PTTG1IP2: variants seen among roughly 807,000 people sequenced by gnomAD.
The protein encoded by PTTG1IP2 is PTTG1IP family member 2.
chr7:90,501,492 A>G (rs925225133), intron 6 of PTTG1IP2, among the ~76,000 whole-genome samples: 7 of 152,152 alleles, frequency 4.6e-5, no homozygotes, highest in African/African-American at 1.4e-4. Flanking sequence ...ACATAGTGAG[A>G]CCTCATTTCT....
chr7:90,485,790 G>A (rs748781217), intron 2 of PTTG1IP2, among the ~76,000 whole-genome samples: 9 of 152,154 alleles, frequency 5.9e-5, no homozygotes, highest in African/African-American at 9.7e-5. Flanking sequence ...ACTTAAGTGC[G>A]CATAGCTCTT....
intron 2 of PTTG1IP2, among the ~76,000 whole-genome samples, chr7:90,482,449 TC>T (rs1797823340): frequency 6.6e-6 from 1 of 152,060 alleles, no homozygotes; most frequent in African/African-American, 2.4e-5. Context: ...GGACTAGCCT[TC>T]CTAGAGTTAG....
intron 6 of PTTG1IP2, among the ~76,000 whole-genome samples, chr7:90,507,529 T>C (rs1004303249): frequency 1.3e-5 from 2 of 152,112 alleles, no homozygotes; most frequent in African/African-American, 4.8e-5. Context: ...TAGAATATAA[T>C]ACATAATCAC....
chr7:90,486,610 G>A (rs931567874), intron 2 of PTTG1IP2, among the ~76,000 whole-genome samples: 1 of 152,018 alleles, frequency 6.6e-6, no homozygotes, highest in Non-Finnish European at 1.5e-5. Context: ...AGCAGTGTGG[G>A]GAGAGGGGTG....
intron 6 of PTTG1IP2, among the ~76,000 whole-genome samples, chr7:90,501,108 T>C (rs1327783021): frequency 6.6e-6 from 1 of 152,210 alleles, no homozygotes; most frequent in African/African-American, 2.4e-5. Context: ...ATATGACCAC[T>C]TTTAAATTCA....
chr7:90,477,046 A>C (rs970640749), intron 1 of PTTG1IP2, among the ~76,000 whole-genome samples: 3 of 152,240 alleles, frequency 2.0e-5, no homozygotes, highest in African/African-American at 7.2e-5. Flanking sequence ...TTTATGGAAT[A>C]ACAACATTTC....
chr7:90,495,126 G>A (rs75836341), intron 6 of PTTG1IP2, among the ~76,000 whole-genome samples: 1,823 of 152,276 alleles, frequency 0.012, 30 homozygotes, highest in African/African-American at 0.037. Flanking sequence ...AGTATGCCAC[G>A]TTAGACAACT....
chr7:90,483,064 GCATGGAGTCTGGGA>G (rs1479688438), intron 2 of PTTG1IP2, among the ~76,000 whole-genome samples: 3 of 152,064 alleles, frequency 2.0e-5, no homozygotes, highest in Non-Finnish European at 4.4e-5. Context: ...GTGTGGTAGG[GCATGGAGTCTGGGA>G]GAATGGACAA....
intron 3 of PTTG1IP2, among the ~76,000 whole-genome samples, chr7:90,488,086 A>G (rs934043119): frequency 1.3e-4 from 20 of 152,124 alleles, no homozygotes; most frequent in Non-Finnish European, 2.2e-4. Flanking sequence ...AAAACGTACC[A>G]GTACCATTTA....
chr7:90,511,359 C>A (rs17867686), intron 6 of PTTG1IP2, among the ~76,000 whole-genome samples: 20,646 of 152,148 alleles, frequency 0.14, 1,703 homozygotes, highest in Middle Eastern at 0.24. Context: ...ACCTTGATTG[C>A]ATCTTTATTC....
At position 90,512,465 on chromosome 7, in the gene PTTG1IP2, C is replaced by T. The variant is rs375541312; in HGVS notation, c.*51-813C>T. On this transcript the variant is annotated intron_variant, in intron 6 of 6. Transcript: ENST00000509356. The stretch of plus-strand genomic sequence containing the variant: ...GAAGACAAGTGGGAGAAGGGACGAA[C>T]CGGGTGGAGGCTCCAAGGAGAGACA... Among the ~76,000 whole-genome samples the T allele has an allele frequency of 7.6e-4, 116 of 152,130 alleles. 1 individual carries two copies. The highest frequency in any genetic ancestry group is 2.7e-3 in the African/African-American group (112 of 41,510).
chr7:90,513,103 G>A (rs1340324086), intron 6 of PTTG1IP2, among the ~76,000 whole-genome samples, 175 bp from the exon 7 acceptor site: 1 of 152,212 alleles, frequency 6.6e-6, no homozygotes. Context: ...AATTTAAGTT[G>A]ATAATCATTA....
intron 1 of PTTG1IP2, among the ~76,000 whole-genome samples, chr7:90,471,031 A>T (rs1001597866): frequency 6.6e-6 from 1 of 152,188 alleles, no homozygotes; most frequent in African/African-American, 2.4e-5. Context: ...ATCTAAGATA[A>T]TCTCCAAAGA....
At chr7:90,481,078 A>G (rs989716900) in intron 2 of PTTG1IP2, among the ~76,000 whole-genome samples, 2 of 152,308 alleles carry the variant, frequency 1.3e-5, no homozygotes, top group Admixed American at 6.5e-5. Context: ...TAGGAGGTAG[A>G]TAAGATTTTT....
At chr7:90,504,829 G>T (rs1374078179) in intron 6 of PTTG1IP2, among the ~76,000 whole-genome samples, 2 of 152,188 alleles carry the variant, frequency 1.3e-5, no homozygotes, top group Non-Finnish European at 2.9e-5. Context: ...GATTATGTGT[G>T]CACAACAGTC....
At chr7:90,483,485 A>C (rs1183984645) in intron 2 of PTTG1IP2, among the ~76,000 whole-genome samples, 3 of 152,160 alleles carry the variant, frequency 2.0e-5, no homozygotes, top group Non-Finnish European at 4.4e-5. Flanking sequence ...TGACAAATCC[A>C]GCCTATTTCT....
chr7:90,473,490 A>G (rs1242636927), intron 1 of PTTG1IP2, among the ~76,000 whole-genome samples: 1 of 152,220 alleles, frequency 6.6e-6, no homozygotes, highest in East Asian at 1.9e-4. Context: ...TAAATGGGGA[A>G]GGAGCAAACC....
At chr7:90,470,684 G>A (rs17864035) in intron 1 of PTTG1IP2, among the ~76,000 whole-genome samples, 3,103 of 152,278 alleles carry the variant, frequency 0.02, 45 homozygotes, top group Middle Eastern at 0.034. Context: ...TCTCCTTCGA[G>A]GGGGTAGGGT....
chr7:90,481,083 A>G (rs950416839), intron 2 of PTTG1IP2, among the ~76,000 whole-genome samples: 1 of 152,112 alleles, frequency 6.6e-6, no homozygotes, highest in African/African-American at 2.4e-5. Context: ...GGTAGATAAG[A>G]TTTTTTGTCT....
Sources: allele counts gnomAD v4.1 joint callset (sites outside exome capture counted in the v4.1 genomes callset), GRCh38; gene constraint gnomAD v4.1.1; transcripts MANE v1.5; gene names NCBI Gene and HGNC (gene_info 2026-07-23, HGNC 2026-07-21).